The following TAS2R1 variants were observed in gnomAD, a reference collection of about 807,000 sequenced individuals.
TAS2R1 encodes the protein taste 2 receptor member 1.
For missense variants in TAS2R1, 370 were observed against 353.4 expected, an observed-to-expected ratio of 1.05 and a Z score of -0.38; for synonymous variants, 141 against 134.2, an observed-to-expected ratio of 1.05 and a Z score of -0.35.
In TAS2R1 at chr5:9,697,940, GA is replaced by G. The variant is rs746837817; in HGVS notation, c.-242+14231del. ...AAGATCAAAGTTATTAGCAACTGCA[GA>G]AAAAAAAAAGATTTTAAAATCCAGG... On this transcript the variant is annotated intron_variant, in intron 1 of 2. Coordinates refer to the TAS2R1 transcript ENST00000506620. Among the ~76,000 whole-genome samples the G allele has an allele frequency of 5.5e-3, 797 of 144,270 alleles. 1 individual carries two copies. The highest frequency in any genetic ancestry group is 8.6e-3 in the Non-Finnish European group (565 of 65,584). The allele number at this position is 144,270 out of a possible 152,430, so 94.6% of individuals were successfully genotyped here.
intron 1 of TAS2R1, among the ~76,000 whole-genome samples, chr5:9,675,002 T>C (rs952200474): frequency 2.2e-4 from 34 of 151,768 alleles, no homozygotes; most frequent in African/African-American, 7.2e-4. Flanking sequence ...TATAGCAAGA[T>C]TGAGGATACA....
At chr5:9,900,908 G>C in the TAS2R1 span, among the ~76,000 whole-genome samples, 1 of 152,150 alleles carries the variant, frequency 6.6e-6, no homozygotes, top group African/African-American at 2.4e-5. Flanking sequence ...ATTTGCGTGG[G>C]GAAGAATAAT....
upstream of TAS2R1, among the ~76,000 whole-genome samples, chr5:9,631,166 T>C (rs1379730620): frequency 1.3e-5 from 2 of 152,184 alleles, no homozygotes; most frequent in East Asian, 1.9e-4. Context: ...GTAGATAAAG[T>C]ATAGTTTGTA....
rs146967657 is a variant in TAS2R1 at position 9,639,496 on chromosome 5, G to A, written c.-80-9504C>T. On this transcript the variant is annotated intron_variant, in intron 2 of 2. Coordinates refer to the TAS2R1 transcript ENST00000506620. ...TGTTTTGTGGAATTTGCAGCAGCAC[G>A]CCACTCTTTCAAAGGATCTGTGAAT... Among the ~76,000 whole-genome samples the A allele has an allele frequency of 1.3e-3, 198 of 152,108 alleles. 2 individuals are homozygous for A. Among genetic ancestry groups the A allele is most frequent in the African/African-American group, 4.4e-3 (181 of 41,492 alleles).
At chr5:9,704,500 A>G (rs571408578) in intron 1 of TAS2R1, among the ~76,000 whole-genome samples, 2 of 152,344 alleles carry the variant, frequency 1.3e-5, no homozygotes, top group South Asian at 4.1e-4. Flanking sequence ...AAAGCACAGC[A>G]AAAGGCAGTT....
the TAS2R1 span, among the ~76,000 whole-genome samples, chr5:9,783,111 C>A: frequency 2.0e-5 from 3 of 152,174 alleles, no homozygotes; most frequent in Admixed American, 2.0e-4. Context: ...CTTCTCCTTG[C>A]CTTACTCTAT....
chr5:9,782,780 T>TG, the TAS2R1 span, among the ~76,000 whole-genome samples: 1 of 151,118 alleles, frequency 6.6e-6, no homozygotes, highest in African/African-American at 2.4e-5. Flanking sequence ...CCTTGTCCAG[T>TG]GGAAAAAAAA....
At chr5:9,751,692 A>G in the TAS2R1 span, among the ~76,000 whole-genome samples, 1 of 152,226 alleles carries the variant, frequency 6.6e-6, no homozygotes, top group East Asian at 1.9e-4. Context: ...AGATTACATG[A>G]CTATTCAACT....
chr5:9,787,039 C>T, the TAS2R1 span, among the ~76,000 whole-genome samples: 1 of 152,148 alleles, frequency 6.6e-6, no homozygotes. Context: ...CTGCATTTCC[C>T]TCAACTATAT....
At chr5:9,752,376 TTC>T in the TAS2R1 span, among the ~76,000 whole-genome samples, 3 of 152,196 alleles carry the variant, frequency 2.0e-5, no homozygotes, top group East Asian at 5.8e-4. Flanking sequence ...GAAAACTTGT[TTC>T]TTCTTTACAT....
chr5:9,762,002 A>C, the TAS2R1 span, among the ~76,000 whole-genome samples: 1 of 152,278 alleles, frequency 6.6e-6, no homozygotes, highest in East Asian at 1.9e-4. Context: ...CGTCCCCACG[A>C]GCCTTGCACC....
chr5:9,707,727 C>T (rs1404470676), intron 1 of TAS2R1, among the ~76,000 whole-genome samples: 1 of 152,044 alleles, frequency 6.6e-6, no homozygotes, highest in Non-Finnish European at 1.5e-5. Flanking sequence ...TTTTGCAGCT[C>T]TCGGTGCAAG....
chr5:9,870,556 T>C, the TAS2R1 span, among the ~76,000 whole-genome samples: 33,207 of 152,138 alleles, frequency 0.22, 4,032 homozygotes, highest in African/African-American at 0.32. Flanking sequence ...ACTATGTACA[T>C]TAGGCTAGAC....
chr5:9,712,554 T>C (rs146331403), upstream of TAS2R1, among the ~76,000 whole-genome samples: 21 of 152,294 alleles, frequency 1.4e-4, no homozygotes, highest in African/African-American at 4.6e-4. Context: ...AAAACTGCAA[T>C]ACAGAAAGCC....
the TAS2R1 span, among the ~76,000 whole-genome samples, chr5:9,781,403 C>A: frequency 1.3e-5 from 2 of 152,226 alleles, no homozygotes; most frequent in Non-Finnish European, 2.9e-5. Flanking sequence ...ACCTGGACTG[C>A]TGCAATGGCC....
At chr5:9,728,323 C>A in the TAS2R1 span, among the ~76,000 whole-genome samples, 1 of 152,200 alleles carries the variant, frequency 6.6e-6, no homozygotes, top group Non-Finnish European at 1.5e-5. Flanking sequence ...ACAGTTTTCA[C>A]TGGTTTCATA....
the TAS2R1 span, among the ~76,000 whole-genome samples, chr5:9,748,455 T>C: frequency 1.3e-5 from 2 of 152,172 alleles, no homozygotes; most frequent in Non-Finnish European, 2.9e-5. Context: ...ATGGGGTAGT[T>C]GATAAATAAA....
the TAS2R1 span, among the ~76,000 whole-genome samples, chr5:9,831,935 T>C: frequency 6.6e-6 from 1 of 152,336 alleles, no homozygotes; most frequent in African/African-American, 2.4e-5. Context: ...ATATTTCAGT[T>C]TAACTCTGAC....
chr5:9,864,928 C>G, the TAS2R1 span, among the ~76,000 whole-genome samples: 2 of 152,144 alleles, frequency 1.3e-5, no homozygotes, highest in African/African-American at 4.8e-5. Context: ...AGGCTGTGAT[C>G]ACAAGGCCAC....
Sources: allele counts gnomAD v4.1 joint callset (sites outside exome capture counted in the v4.1 genomes callset), GRCh38; gene constraint gnomAD v4.1.1; transcripts MANE v1.5; gene names NCBI Gene and HGNC (gene_info 2026-07-23, HGNC 2026-07-21).